Variants in MIB1 observed in about 807,000 individuals in gnomAD.
The protein encoded by MIB1 is E3 ubiquitin-protein ligase MIB1.
Under a neutral mutation model 124.5 loss-of-function variants are expected in MIB1, and 278 were observed. The observed-to-expected ratio is 2.23, with a 90% CI of 2.02 to 2.47. The LOEUF (loss-of-function observed/expected upper bound fraction) is 2.47. MIB1 is among the 30% of genes most tolerant of loss of function. The probability of loss-of-function intolerance (pLI) is 0.00; values close to 1 mark genes in which losing one functional copy is unlikely to be tolerated. For missense variants in MIB1, 957 were observed against 1,254.4 expected (o/e 0.76, Z 3.58); for synonymous variants, 446 against 429.4 (o/e 1.04, Z -0.48).
At chr18:21,837,527 C>G (rs528743505) in intron 12 of MIB1, among the ~76,000 whole-genome samples, 5 of 152,230 alleles carry the variant, frequency 3.3e-5, no homozygotes, top group African/African-American at 1.2e-4. Context: ...AACAGACAAA[C>G]AAAAGTCTAA....
chr18:21,742,877 C>T (rs976200703), intron 1 of MIB1, among the ~76,000 whole-genome samples: 7 of 152,190 alleles, frequency 4.6e-5, no homozygotes, highest in African/African-American at 1.4e-4. Context: ...TTAACACAAG[C>T]CAACTCAGTT....
chr18:21,726,171 G>T (rs2040741298), intron 1 of MIB1, among the ~76,000 whole-genome samples: 1 of 152,128 alleles, frequency 6.6e-6, no homozygotes, highest in Non-Finnish European at 1.5e-5. Context: ...CCAAGAACAG[G>T]AGTTTGAGGC....
chr18:21,838,458 TA>T lies in MIB1; in HGVS notation c.1925del (p.Asn642IlefsTer4). 1 of 1,611,210 alleles carries T rather than the reference TA, an allele frequency of 6.2e-7. No homozygotes were observed. On this transcript the variant is annotated frameshift_variant, in exon 13 of 21. Transcript: ENST00000261537. LOFTEE classifies it high-confidence loss of function. ...GYTALHLAAL[N>X]NHVEVAELLV... ...ATACTGCCTTACATCTGGCTGCCCTTAATAATCACGTAGAAGTGGCTGAACT... is the reference window on the plus strand; with the variant it reads ...ATACTGCCTTACATCTGGCTGCCCTTATAATCACGTAGAAGTGGCTGAACT...
Position 21,798,238 on chromosome 18 carries a change from A to C in MIB1, c.1237+10A>C. 1.2e-6 allele frequency: 2 copies of C among 1,612,252 alleles called. No homozygotes were observed. Among genetic ancestry groups the C allele is most frequent in the Non-Finnish European group, 1.7e-6 (2 of 1,178,794 alleles). On this transcript the variant is annotated intron_variant, in intron 8 of 20. Transcript: ENST00000261537. ...AGCAATGCATCTGGTGGTATGTTTT[A>C]TATTGTGTTTCTTTAAGAGTAATGT...
intron 6 of MIB1, among the ~76,000 whole-genome samples, chr18:21,784,564 A>G (rs2041411864): frequency 6.6e-6 from 1 of 152,196 alleles, no homozygotes; most frequent in African/African-American, 2.4e-5. Context: ...TTATATATGA[A>G]TATTATTAAT....
intron 1 of MIB1, among the ~76,000 whole-genome samples, chr18:21,724,772 A>ATATT (rs1194295006): frequency 9.3e-6 from 1 of 107,752 alleles, no homozygotes; most frequent in Non-Finnish European, 1.9e-5. Context: ...ATATATATAT[A>ATATT]TTAGTCTATA....
At chr18:21,728,134 C>T (rs959562037) in intron 1 of MIB1, among the ~76,000 whole-genome samples, 7 of 152,180 alleles carry the variant, frequency 4.6e-5, no homozygotes, top group African/African-American at 9.7e-5. Context: ...CACCCCCAAC[C>T]GCTTCCCTGC....
intron 1 of MIB1, among the ~76,000 whole-genome samples, chr18:21,726,137 T>C (rs1364974220): frequency 6.6e-6 from 1 of 152,096 alleles, no homozygotes; most frequent in Non-Finnish European, 1.5e-5. Flanking sequence ...TCCAGTGCTT[T>C]GGGAAGCTGA....
At position 21,869,958 on chromosome 18, in the gene MIB1, A is replaced by G. The variant is rs549835024; in HGVS notation, c.*5292A>G. 4.6e-5 allele frequency: 7 copies of G among 152,432 alleles called. No individual in the cohort carries two copies. Among genetic ancestry groups the G allele is most frequent in the African/African-American group, 1.2e-4 (5 of 41,592 alleles). The allele number at this position is 152,432 out of a possible 1,614,324, so 9.4% of individuals were successfully genotyped here. A position where few individuals can be genotyped will look rare whatever the true frequency, so the allele number is the denominator to read the frequency against. ...TGTCATTCTAAATGCAGCAAATTCA[A>G]TGATAGCAGTTCAATTGACTCATAG... On this transcript the variant is annotated 3_prime_UTR_variant, in exon 21 of 21. Transcript: ENST00000261537.
At chr18:21,760,129 T>C (rs956268503) in intron 1 of MIB1, among the ~76,000 whole-genome samples, 4 of 152,264 alleles carry the variant, frequency 2.6e-5, no homozygotes, top group Middle Eastern at 3.4e-3. Flanking sequence ...TAGGGTAATA[T>C]GGTATTCTAT....
intron 12 of MIB1, chr18:21,826,021 A>T (rs1033216717): frequency 1.3e-5 from 3 of 235,782 alleles, no homozygotes; most frequent in Admixed American, 5.5e-5. Flanking sequence ...TGTTTTCAAC[A>T]TCTTTGCTTC....
intron 5 of MIB1, among the ~76,000 whole-genome samples, chr18:21,779,033 G>A (rs2041326593): frequency 6.6e-6 from 1 of 152,044 alleles, no homozygotes; most frequent in Non-Finnish European, 1.5e-5. Flanking sequence ...GCTCTTTAGG[G>A]CAAGAATCAC....
intron 1 of MIB1, among the ~76,000 whole-genome samples, chr18:21,750,175 G>C (rs1200026586): frequency 1.3e-5 from 2 of 151,996 alleles, no homozygotes; most frequent in African/African-American, 4.8e-5. Context: ...TGTTGCCCAG[G>C]CTGGAGTGCA....
Position 21,741,781 on chromosome 18 carries a change from C to T in MIB1, c.198C>T (p.Tyr66=), listed in dbSNP as rs765597017. ...TAANYRCSGA[Y]DLRILDSAPT... ...CCAACTACCGCTGCTCCGGGGCTTA[C>T]GACCTCCGCATCCTGGACAGCGCGC... The change falls in exon 1 of 21, where the codon TAC becomes TAT. Residue 66 remains tyrosine (Y), a synonymous_variant. Coordinates refer to ENST00000261537, the MANE Select transcript of MIB1 (RefSeq NM_020774.4). The surrounding 1 kb of genome is among the most constrained non-coding windows in gnomAD (Gnocchi z 5.4). 2 of 1,607,708 alleles carry T rather than the reference C, an allele frequency of 1.2e-6. No individual in the cohort carries two copies. Among genetic ancestry groups the T allele is most frequent in the Non-Finnish European group, 1.7e-6 (2 of 1,177,930 alleles).
intron 7 of MIB1, among the ~76,000 whole-genome samples, chr18:21,793,724 T>G (rs1056885130): frequency 1.6e-5 from 2 of 121,452 alleles, no homozygotes; most frequent in East Asian, 2.4e-4. Context: ...GAGGCTACAG[T>G]GAGCAGAGAT....
chr18:21,750,588 A>C (rs1346845842), intron 1 of MIB1, among the ~76,000 whole-genome samples: 1 of 152,122 alleles, frequency 6.6e-6, no homozygotes, highest in Non-Finnish European at 1.5e-5. Context: ...CGGCCTCCCA[A>C]AGTGCTGGGA....
chr18:21,713,523 G>T (rs1330417195), intron 1 of MIB1, among the ~76,000 whole-genome samples: 1 of 142,410 alleles, frequency 7.0e-6, no homozygotes, highest in African/African-American at 2.6e-5. Flanking sequence ...TGAGGCAGGA[G>T]AATTGCTTGA....
rs1445114347 is a variant in MIB1 at position 21,768,605 on chromosome 18, A to G, written c.402-18A>G. 1 of 1,485,198 alleles carries G rather than the reference A, an allele frequency of 6.7e-7. No individual in the cohort carries two copies. The highest frequency in any genetic ancestry group is 9.1e-7 in the Non-Finnish European group (1 of 1,103,688). 92.0% of individuals were successfully genotyped at this position (1,485,198 alleles called of 1,614,324 possible). A position where few individuals can be genotyped will look rare whatever the true frequency, so the allele number is the denominator to read the frequency against. The stretch of plus-strand genomic sequence containing the variant: ...CCTATTTTTATATAAACTTGAAAAT[A>G]AATAATTTTATTTTTAGGGTTCTGT... On this transcript the variant is annotated intron_variant, in intron 2 of 20. Coordinates refer to ENST00000261537, the MANE Select transcript of MIB1 (RefSeq NM_020774.4).
intron 2 of MIB1, among the ~76,000 whole-genome samples, chr18:21,766,361 A>G (rs1300106892): frequency 6.6e-6 from 1 of 150,610 alleles, no homozygotes; most frequent in African/African-American, 2.4e-5. Context: ...GGACACTAGA[A>G]GATAAATAAG....
Sources: gnomAD v4.1 joint callset for allele counts (sites outside exome capture counted in the v4.1 genomes callset) on GRCh38, gnomAD v4.1.1 for gene constraint, Gnocchi (gnomAD v3.1) non-coding constraint, MANE v1.5 for transcripts, NCBI Gene and HGNC (gene_info 2026-07-23, HGNC 2026-07-21) for gene names.